ZSCAN5A: variants seen among roughly 807,000 people sequenced by gnomAD.
ZSCAN5A encodes zinc finger and SCAN domain containing 5A, also known as zinc finger and SCAN domain-containing protein 5A.
A neutral mutation model predicts 23.7 loss-of-function variants in ZSCAN5A; 12 were observed. That is an observed-to-expected ratio of 0.51 (90% confidence interval 0.32 to 0.82). ZSCAN5A has a LOEUF of 0.82. ZSCAN5A is among the 40% of genes least tolerant of loss of function. The pLI is 0.03. For missense variants in ZSCAN5A, 597 were observed against 617.9 expected (o/e 0.97, Z 0.36); for synonymous variants, 257 against 239.9 (o/e 1.07, Z -0.66).
chr19:56,223,209 C>T (rs1185553291), intron 4 of ZSCAN5A, among the ~76,000 whole-genome samples: 1 of 152,190 alleles, frequency 6.6e-6, no homozygotes, highest in African/African-American at 2.4e-5. Flanking sequence ...AAAGCATCTC[C>T]AGACATGGCC....
intron 2 of ZSCAN5A, chr19:56,247,509 C>T (rs1022735462): frequency 1.2e-5 from 2 of 162,060 alleles, no homozygotes; most frequent in African/African-American, 2.4e-5. Flanking sequence ...TTTTCACTGA[C>T]GCTATTAGAT....
At chr19:56,270,835 A>G (rs957518151) in intron 2 of ZSCAN5A, among the ~76,000 whole-genome samples, 2 of 152,142 alleles carry the variant, frequency 1.3e-5, no homozygotes, top group Non-Finnish European at 2.9e-5. Flanking sequence ...ATATCCCACA[A>G]AGCGGAAGAC....
In ZSCAN5A at chr19:56,320,153, A is replaced by G. The variant is rs149320852; in HGVS notation, c.-357-3885T>C. ...TTCTGATCAAAGTTTAGTCTGTTTCATAATATAGAAACTTCCTGGTTGTTT... is the reference window on the plus strand; with the variant it reads ...TTCTGATCAAAGTTTAGTCTGTTTCGTAATATAGAAACTTCCTGGTTGTTT... On this transcript the variant is annotated intron_variant, in intron 2 of 6. Transcript: ENST00000587340. 3.5e-4 allele frequency: 259 copies of G among 730,420 alleles called. 1 individual carries two copies. The East Asian group carries it at 6.5e-3, about 18-fold the overall frequency. 45.2% of individuals were successfully genotyped at this position (730,420 alleles called of 1,614,324 possible). A position where few individuals can be genotyped will look rare whatever the true frequency, so the allele number is the denominator to read the frequency against.
intron 2 of ZSCAN5A, among the ~76,000 whole-genome samples, chr19:56,326,125 G>A (rs148395662): frequency 1.3e-5 from 2 of 151,812 alleles, no homozygotes; most frequent in Non-Finnish European, 2.9e-5. Context: ...TTTTAGTAGA[G>A]ACGGGGTTTC....
intron 2 of ZSCAN5A, among the ~76,000 whole-genome samples, chr19:56,346,917 T>C (rs2041637790): frequency 6.6e-6 from 1 of 152,040 alleles, no homozygotes; most frequent in Non-Finnish European, 1.5e-5. Context: ...TTAGTAGAGA[T>C]GGGGTTTCAC....
chr19:56,294,981 G>C (rs147399250), intron 2 of ZSCAN5A: 2,323 of 152,352 alleles, frequency 0.015, 28 homozygotes, highest in Admixed American at 0.035. Context: ...CGGGAGAGGG[G>C]GGTGAGCCCA....
At chr19:56,303,306 C>T (rs560346988) in intron 2 of ZSCAN5A, among the ~76,000 whole-genome samples, 2 of 151,862 alleles carry the variant, frequency 1.3e-5, no homozygotes, top group East Asian at 1.9e-4. Flanking sequence ...GGTGAAACCC[C>T]GTCTCTACTA....
In ZSCAN5A at chr19:56,352,860, C is replaced by T. The variant is rs2109469; in HGVS notation, c.-358+10375G>A. Among the ~76,000 whole-genome samples, 97,833 of 152,122 alleles carry T rather than the reference C, an allele frequency of 0.64. 33,175 individuals carry two copies. Among genetic ancestry groups the T allele is most frequent in the African/African-American group, 0.86 (35,791 of 41,544 alleles). On this transcript the variant is annotated intron_variant, in intron 2 of 6. Coordinates refer to the ZSCAN5A transcript ENST00000587340. The surrounding 1 kb of genome is among the most constrained non-coding windows in gnomAD (Gnocchi z 4.2). ...GTCAGGAAGAGGACTCAGGGAAGCC[C>T]AAGTCAAGTCTGGTCGAGGAGAAGG...
At chr19:56,322,858 T>G (rs2041391110) in intron 2 of ZSCAN5A, among the ~76,000 whole-genome samples, 1 of 151,976 alleles carries the variant, frequency 6.6e-6, no homozygotes, top group Non-Finnish European at 1.5e-5. Flanking sequence ...TTAGACTCTC[T>G]TGGTTTTTAA....
intron 2 of ZSCAN5A, chr19:56,321,676 C>G: frequency 7.6e-7 from 1 of 1,323,182 alleles, no homozygotes; most frequent in East Asian, 2.3e-5. Flanking sequence ...TTCCTCCTAC[C>G]AGTTTGTCCT....
At chr19:56,223,183 C>T (rs1421613973) in intron 4 of ZSCAN5A, among the ~76,000 whole-genome samples, 1 of 152,158 alleles carries the variant, frequency 6.6e-6, no homozygotes, top group African/African-American at 2.4e-5. Flanking sequence ...CCCACCATCC[C>T]CTACAATGAC....
intron 2 of ZSCAN5A, among the ~76,000 whole-genome samples, chr19:56,263,869 A>T (rs2146885593): frequency 6.6e-6 from 1 of 152,258 alleles, no homozygotes; most frequent in South Asian, 2.1e-4. Context: ...TATAAATATT[A>T]TATGCTATAC....
Position 56,222,696 on chromosome 19 carries a change from G to C in ZSCAN5A, c.634C>G (p.Pro212Ala). Residue 212 changes from proline (P) to alanine (A), a missense_variant, in exon 5 of 6, where the codon CCA becomes GCA. Physicochemically the swap from Pro to Ala is conservative, Grantham distance 27. Transcript: ENST00000683990. ...LHKSIDVTGD[P>A]KSLRPKQTLE... is the part of the protein sequence containing the mutation. ...GTCTGCTTGGGTCTCAGAGACTTTG[G>C]GTCACCTGTTACGTCAATACTCTTG... 2 of 1,614,046 alleles carry C rather than the reference G, an allele frequency of 1.2e-6. No individual in the cohort carries two copies. The highest frequency in any genetic ancestry group is 1.7e-6 in the Non-Finnish European group (2 of 1,180,016).
At chr19:56,360,331 C>T (rs1165601204) in intron 2 of ZSCAN5A, among the ~76,000 whole-genome samples, 7 of 152,078 alleles carry the variant, frequency 4.6e-5, no homozygotes, top group African/African-American at 1.7e-4. Flanking sequence ...ACAATTGCCA[C>T]AGAGAAAATA....
At chr19:56,287,033 G>GAGCT (rs1411070226) in intron 2 of ZSCAN5A, among the ~76,000 whole-genome samples, 1 of 152,224 alleles carries the variant, frequency 6.6e-6, no homozygotes, top group Non-Finnish European at 1.5e-5. Flanking sequence ...AGATATTAGG[G>GAGCT]AGCTGGTGAA....
At chr19:56,235,962 C>T (rs1600041050) in intron 2 of ZSCAN5A, among the ~76,000 whole-genome samples, 1 of 41,480 alleles carries the variant, frequency 2.4e-5, no homozygotes. Flanking sequence ...TCCACTCCAG[C>T]CTCTGATGGA....
At chr19:56,240,745 G>A (rs1054218236) in intron 2 of ZSCAN5A, among the ~76,000 whole-genome samples, 1 of 152,116 alleles carries the variant, frequency 6.6e-6, no homozygotes, top group Non-Finnish European at 1.5e-5. Flanking sequence ...TCATGGGTAG[G>A]TTACATTTTA....
chr19:56,313,697 G>A (rs1051913849), intron 1 of ZSCAN5A, among the ~76,000 whole-genome samples: 1 of 152,204 alleles, frequency 6.6e-6, no homozygotes, highest in African/African-American at 2.4e-5. Context: ...ATGTCCAGGT[G>A]CTTGATGTTA....
intron 2 of ZSCAN5A, among the ~76,000 whole-genome samples, chr19:56,257,841 C>T (rs2036819460): frequency 1.6e-5 from 2 of 125,906 alleles, no homozygotes; most frequent in African/African-American, 6.2e-5. Context: ...TAGACACAGG[C>T]GCCGGGAGAC....
Sources: allele counts gnomAD v4.1 joint callset (sites outside exome capture counted in the v4.1 genomes callset), GRCh38; gene constraint gnomAD v4.1.1; non-coding constraint Gnocchi (gnomAD v3.1); transcripts MANE v1.5; gene names NCBI Gene and HGNC (gene_info 2026-07-23, HGNC 2026-07-21).